ABCA13: variants seen among roughly 807,000 people sequenced by gnomAD.
The protein encoded by ABCA13 is ATP binding cassette subfamily A member 13.
A neutral mutation model predicts 478.7 loss-of-function variants in ABCA13; 476 were observed. That is an observed-to-expected ratio of 0.99 (90% CI 0.92 to 1.07). The LOEUF (loss-of-function observed/expected upper bound fraction) is 1.07, where lower values mean the gene tolerates loss of function less well. ABCA13 is among the 50% of genes least tolerant of loss of function. The probability of loss-of-function intolerance (pLI) is 0.00; values close to 1 mark genes in which losing one functional copy is unlikely to be tolerated. For missense variants in ABCA13, 6,060 were observed against 5,910.6 expected, an observed-to-expected ratio of 1.03 and a Z score of -0.83; for synonymous variants, 2,252 against 2,158.9, an observed-to-expected ratio of 1.04 and a Z score of -1.20.
chr7:48,397,375 T>A (rs1813699), intron 38 of ABCA13, among the ~76,000 whole-genome samples: 17,584 of 152,082 alleles, frequency 0.12, 1,078 homozygotes, highest in African/African-American at 0.13. Flanking sequence ...TGAATGGTTT[T>A]TTTCTTACTG....
In ABCA13 at chr7:48,466,954, A is replaced by T. The variant is rs1256524342; in HGVS notation, c.12816-2A>T. 21 of 1,613,808 alleles carry T rather than the reference A, an allele frequency of 1.3e-5. No homozygotes were observed. Among genetic ancestry groups the T allele is most frequent in the Non-Finnish European group, 1.8e-5 (21 of 1,179,858 alleles). On this transcript the variant is annotated splice_acceptor_variant, in intron 43 of 61. Coordinates refer to ENST00000435803, the MANE Select transcript of ABCA13 (RefSeq NM_152701.5). LOFTEE classifies it high-confidence loss of function. ...TTTCCTTTGTCTCACAATGAACAGC[A>T]GCAGTGGGGGCGACAACTTGGACCT...
chr7:48,279,040 A>G lies in ABCA13; in HGVS notation c.7846A>G (p.Ser2616Gly). The change falls in exon 18 of 62, where the codon AGT (serine) becomes GGT (glycine). Residue 2616 changes from serine to glycine, a missense_variant. Coordinates refer to ENST00000435803, the MANE Select transcript of ABCA13 (RefSeq NM_152701.5). Reference sequence around the variant, plus strand: ...TATATCATCAAACTCTGATATTTTCAGTATGTCACCTAGCATACTCTCATA... The same window carrying G: ...TATATCATCAAACTCTGATATTTTCGGTATGTCACCTAGCATACTCTCATA... ...PYISSNSDIF[S>G]MSPSILSYMN... 1 of 1,613,236 alleles carries G rather than the reference A, an allele frequency of 6.2e-7. No homozygotes were observed.
At chr7:48,489,419 A>C in intron 48 of ABCA13, 75 bp downstream of exon 48, 2 of 1,318,350 alleles carry the variant, frequency 1.5e-6, no homozygotes. Flanking sequence ...GAAACAGAAA[A>C]GTTTCTGAAT....
intron 20 of ABCA13, among the ~76,000 whole-genome samples, chr7:48,292,191 G>A (rs1421237883): frequency 2.0e-5 from 3 of 151,738 alleles, no homozygotes; most frequent in Non-Finnish European, 4.4e-5. Flanking sequence ...TTACTCATCT[G>A]AAAAAAAACC....
intron 31 of ABCA13, among the ~76,000 whole-genome samples, chr7:48,357,928 G>A (rs944373496): frequency 2.6e-5 from 4 of 151,618 alleles, no homozygotes; most frequent in Non-Finnish European, 5.9e-5. Context: ...CAGATCACAA[G>A]GTCAGGAATT....
At chr7:48,412,212 T>A in intron 40 of ABCA13, 141 bp from the exon 41 acceptor site, 1 of 635,980 alleles carries the variant, frequency 1.6e-6, no homozygotes, top group Non-Finnish European at 2.7e-6. Flanking sequence ...TTGAGATGCC[T>A]ATTGCTTAAG....
chr7:48,282,159 T>C (rs1385862032), intron 19 of ABCA13, among the ~76,000 whole-genome samples: 2 of 152,246 alleles, frequency 1.3e-5, no homozygotes, highest in African/African-American at 2.4e-5. Context: ...AGATGATACT[T>C]GCCAAATCCA....
At chr7:48,475,426 C>A (rs1418536696) in intron 45 of ABCA13, among the ~76,000 whole-genome samples, 1 of 150,986 alleles carries the variant, frequency 6.6e-6, no homozygotes, top group Admixed American at 6.6e-5. Flanking sequence ...TGCTATCCAG[C>A]AGCCCTGGGT....
chr7:48,414,929 G>T (rs1375197837), intron 41 of ABCA13, among the ~76,000 whole-genome samples: 1 of 152,150 alleles, frequency 6.6e-6, no homozygotes, highest in Non-Finnish European at 1.5e-5. Flanking sequence ...TAGCTTTGGA[G>T]TGACCACGGA....
chr7:48,278,223 A>G lies in ABCA13; in HGVS notation c.7029A>G (p.Ser2343=). ...CTATATATCACCTAATGAAAAGTTCATTTATATTAGACAATGGAGAATTTT... is the reference window on the plus strand; with the variant it reads ...CTATATATCACCTAATGAAAAGTTCGTTTATATTAGACAATGGAGAATTTT... ...KETIYHLMKS[S]FILDNGEFYF... The change falls in exon 18 of 62, where the codon TCA becomes TCG. Residue 2343 remains serine, a synonymous_variant. Transcript: ENST00000435803. 6.2e-7 allele frequency: 1 copy of G among 1,606,692 alleles called. No individual in the cohort carries two copies. The highest frequency in any genetic ancestry group is 8.5e-7 in the Non-Finnish European group (1 of 1,175,802).
chr7:48,224,977 T>TTTA (rs925400736), intron 5 of ABCA13, among the ~76,000 whole-genome samples: 57 of 152,162 alleles, frequency 3.7e-4, no homozygotes, highest in Non-Finnish European at 5.4e-4. Flanking sequence ...ATTTTCCTTC[T>TTTA]TTATTATTAT....
At position 48,276,594 on chromosome 7, in the gene ABCA13, A is replaced by T. The variant is rs141228435; in HGVS notation, c.6899+29A>T. On this transcript the variant is annotated intron_variant, in intron 17 of 61. Transcript: ENST00000435803. ...AGTATACTTTTGCTTTGTGTCATATATGCAGTTGCGATATATCTCAAACTA... is the reference window on the plus strand; with the variant it reads ...AGTATACTTTTGCTTTGTGTCATATTTGCAGTTGCGATATATCTCAAACTA... The T allele has an allele frequency of 4.8e-4, 754 of 1,577,894 alleles. 4 individuals are homozygous for T. In the African/African-American group the frequency reaches 8.5e-3, roughly 18 times the overall value.
At chr7:48,325,017 T>C (rs1804107391) in intron 27 of ABCA13, among the ~76,000 whole-genome samples, 1 of 152,244 alleles carries the variant, frequency 6.6e-6, no homozygotes, top group African/African-American at 2.4e-5. Flanking sequence ...CCCTTCCCTT[T>C]GGTCACTAGA....
intron 9 of ABCA13, among the ~76,000 whole-genome samples, chr7:48,240,554 G>A (rs1008599545): frequency 6.6e-6 from 1 of 152,040 alleles, no homozygotes; most frequent in Non-Finnish European, 1.5e-5. Context: ...AAATATGTTC[G>A]TTTAGGTTTT....
chr7:48,231,818 C>A (rs556360864), intron 7 of ABCA13, among the ~76,000 whole-genome samples: 5 of 152,112 alleles, frequency 3.3e-5, no homozygotes, highest in Non-Finnish European at 7.4e-5. Flanking sequence ...TGCATCACCA[C>A]GCCTGGCTAA....
chr7:48,410,317 G>A (rs530806606), intron 39 of ABCA13, among the ~76,000 whole-genome samples: 1 of 152,244 alleles, frequency 6.6e-6, no homozygotes, highest in Non-Finnish European at 1.5e-5. Context: ...GGGGATGGGA[G>A]ATCCGTGGAA....
intron 2 of ABCA13, among the ~76,000 whole-genome samples, chr7:48,197,354 T>G (rs548824729): frequency 8.3e-4 from 127 of 152,264 alleles, no homozygotes; most frequent in African/African-American, 2.9e-3. Context: ...ACTGGGGCGC[T>G]GGACAGGCAT....
At chr7:48,178,681 T>TA (rs982637462) in intron 1 of ABCA13, among the ~76,000 whole-genome samples, 4 of 117,546 alleles carry the variant, frequency 3.4e-5, no homozygotes, top group Non-Finnish European at 5.6e-5. Flanking sequence ...CTCAAAAAAA[T>TA]AAAAAAAAGT....
intron 60 of ABCA13, 90 bp downstream of exon 60, chr7:48,643,483 T>C: frequency 8.7e-7 from 1 of 1,150,766 alleles, no homozygotes; most frequent in East Asian, 2.4e-5. Flanking sequence ...TTCTATGCTG[T>C]TATAAGATAC....
Sources: gnomAD v4.1 joint callset for allele counts (sites outside exome capture counted in the v4.1 genomes callset) on GRCh38, gnomAD v4.1.1 for gene constraint, MANE v1.5 for transcripts, NCBI Gene and HGNC (gene_info 2026-07-23, HGNC 2026-07-21) for gene names.